The following LRP12 variants were observed in gnomAD, a reference collection of about 807,000 sequenced individuals.
The protein encoded by LRP12 is low-density lipoprotein receptor-related protein 12.
LRP12 carries 14 observed loss-of-function variants against 66.0 expected under a neutral mutation model. That is an observed-to-expected ratio of 0.21 (90% confidence interval 0.14 to 0.33). LRP12 has a LOEUF of 0.33. Ranked by LOEUF, LRP12 falls within the 10% of genes least tolerant of loss-of-function variation. The probability of loss-of-function intolerance (pLI) is 1.00; values close to 1 mark genes in which losing one functional copy is unlikely to be tolerated. For synonymous variants in LRP12, 357 were observed against 359.1 expected (o/e 0.99, Z 0.07); for missense variants, 889 against 1,053.4 (o/e 0.84, Z 2.16).
At chr8:104,573,570 G>A (rs1335237419) in intron 1 of LRP12, among the ~76,000 whole-genome samples, 1 of 152,066 alleles carries the variant, frequency 6.6e-6, no homozygotes, top group Non-Finnish European at 1.5e-5. Flanking sequence ...TACTAGGAAT[G>A]AAAACATTTC....
chr8:104,580,837 A>G (rs1000289105), intron 1 of LRP12, among the ~76,000 whole-genome samples: 3 of 152,246 alleles, frequency 2.0e-5, no homozygotes, highest in African/African-American at 7.2e-5. Context: ...TGTTGGGAGA[A>G]GTGTAATTAG....
chr8:104,576,776 A>G (rs7462562), intron 1 of LRP12, among the ~76,000 whole-genome samples: 19 of 152,324 alleles, frequency 1.2e-4, no homozygotes, highest in South Asian at 1.0e-3. Flanking sequence ...GCTTGAATGT[A>G]AATGGAATAA....
intron 1 of LRP12, among the ~76,000 whole-genome samples, chr8:104,567,839 T>C (rs1199835881): frequency 6.6e-6 from 1 of 152,180 alleles, no homozygotes; most frequent in Non-Finnish European, 1.5e-5. Context: ...GGTAAGACAA[T>C]TCTTGACAAA....
At chr8:104,518,700 G>C (rs1257364324) in intron 2 of LRP12, among the ~76,000 whole-genome samples, 1 of 152,008 alleles carries the variant, frequency 6.6e-6, no homozygotes, top group Non-Finnish European at 1.5e-5. Flanking sequence ...GAACTGACCA[G>C]CTTCTTAGTA....
chr8:104,563,460 G>A (rs1436449897), intron 1 of LRP12, among the ~76,000 whole-genome samples: 2 of 151,850 alleles, frequency 1.3e-5, no homozygotes, highest in Non-Finnish European at 2.9e-5. Context: ...ATAATGATAT[G>A]TCATTATATA....
intron 2 of LRP12, among the ~76,000 whole-genome samples, chr8:104,529,828 C>T (rs1811299533): frequency 2.6e-5 from 4 of 152,156 alleles, no homozygotes; most frequent in Admixed American, 2.6e-4. Flanking sequence ...AAAGAAACTA[C>T]CTCGTGTTGA....
intron 1 of LRP12, among the ~76,000 whole-genome samples, chr8:104,572,784 G>A (rs1341257018): frequency 6.6e-6 from 1 of 152,102 alleles, no homozygotes; most frequent in Non-Finnish European, 1.5e-5. Context: ...GAAAATTAGA[G>A]TTATTTCCCC....
chr8:104,545,777 G>C (rs149634032), intron 1 of LRP12, among the ~76,000 whole-genome samples: 523 of 152,218 alleles, frequency 3.4e-3, no homozygotes, highest in African/African-American at 0.012. Context: ...TCACTTTATT[G>C]TGACATTCAC....
At chr8:104,501,380 TA>T (rs1238729456) in intron 3 of LRP12, among the ~76,000 whole-genome samples, 69 of 146,290 alleles carry the variant, frequency 4.7e-4, no homozygotes, top group South Asian at 1.5e-3. Context: ...TTTTGCCCAT[TA>T]AAAAAAAAAA....
intron 2 of LRP12, among the ~76,000 whole-genome samples, chr8:104,518,848 AG>A (rs1302728500): frequency 6.6e-6 from 1 of 152,022 alleles, no homozygotes; most frequent in Non-Finnish European, 1.5e-5. Context: ...GATGAAGTGG[AG>A]GCTGAGGGAG....
chr8:104,494,941 T>C (rs1442879308), intron 6 of LRP12, 136 bp downstream of exon 6: 2 of 674,152 alleles, frequency 3.0e-6, no homozygotes, highest in Non-Finnish European at 4.8e-6. Flanking sequence ...ATGAAAACTA[T>C]GACTTCAAAT....
At chr8:104,552,593 T>C (rs970885882) in intron 1 of LRP12, among the ~76,000 whole-genome samples, 1 of 152,142 alleles carries the variant, frequency 6.6e-6, no homozygotes, top group Non-Finnish European at 1.5e-5. Flanking sequence ...ACCTACTCTT[T>C]CATGGAACCT....
intron 1 of LRP12, among the ~76,000 whole-genome samples, chr8:104,542,827 G>A (rs376127381): frequency 1.3e-5 from 2 of 152,024 alleles, no homozygotes; most frequent in Admixed American, 1.3e-4. Flanking sequence ...TGTATTTACT[G>A]TTCATTAAGT....
At chr8:104,547,589 TAA>T (rs1811603776) in intron 1 of LRP12, among the ~76,000 whole-genome samples, 2 of 122,438 alleles carry the variant, frequency 1.6e-5, no homozygotes, top group African/African-American at 6.5e-5. Flanking sequence ...TATTAATATA[TAA>T]TATATAATAA....
chr8:104,543,077 G>A (rs893413331), intron 1 of LRP12, among the ~76,000 whole-genome samples: 3 of 151,270 alleles, frequency 2.0e-5, no homozygotes, highest in Admixed American at 1.3e-4. Context: ...ACTGAGTGCT[G>A]TTACTCAGGT....
At chr8:104,570,042 T>C (rs932871357) in intron 1 of LRP12, among the ~76,000 whole-genome samples, 1 of 152,146 alleles carries the variant, frequency 6.6e-6, no homozygotes, top group African/African-American at 2.4e-5. Context: ...TATTATTTCC[T>C]ATAACTCCCC....
Position 104,491,325 on chromosome 8 carries a change from G to T in LRP12, c.1928C>A (p.Thr643Asn). The part of the protein sequence containing the change: ...STSREPERNH[T>N]HRSLFSVESD... Reference sequence around the variant, plus strand: ...CTCCACGGAAAACAAACTTCTGTGAGTATGATTTCTCTCAGGTTCTCTACT... The same window carrying T: ...CTCCACGGAAAACAAACTTCTGTGATTATGATTTCTCTCAGGTTCTCTACT... Residue 643 changes from threonine (T) to asparagine (N), a missense_variant, in exon 7 of 7, where the codon ACT becomes AAT. Around this residue, in one of 3 missense-constraint regions of LRP12, gnomAD observed 800 missense variants for 964.5 expected, o/e 0.83. Transcript: ENST00000276654. 6.2e-7 allele frequency: 1 copy of T among 1,614,148 alleles called. No homozygotes were observed. Among genetic ancestry groups the T allele is most frequent in the South Asian group, 1.1e-5 (1 of 91,084 alleles).
chr8:104,564,568 G>A (rs1811965395), intron 1 of LRP12, among the ~76,000 whole-genome samples: 6 of 151,832 alleles, frequency 4.0e-5, no homozygotes, highest in South Asian at 2.1e-4. Context: ...AGTAATCAGG[G>A]GAGATAAGAA....
At chr8:104,544,887 T>C (rs952855996) in intron 1 of LRP12, among the ~76,000 whole-genome samples, 2 of 152,172 alleles carry the variant, frequency 1.3e-5, no homozygotes, top group Non-Finnish European at 2.9e-5. Flanking sequence ...AATTTCAACT[T>C]TCAAGCCTAT....
Sources: allele counts gnomAD v4.1 joint callset (sites outside exome capture counted in the v4.1 genomes callset), GRCh38; gene constraint gnomAD v4.1.1; regional missense constraint gnomAD v4.1.1; transcripts MANE v1.5; gene names NCBI Gene and HGNC (gene_info 2026-07-23, HGNC 2026-07-21).